Variants in PCDHA2 observed in about 807,000 individuals in gnomAD.
PCDHA2 encodes the protein protocadherin alpha 2, also known as protocadherin alpha-2.
In PCDHA2, 58 loss-of-function variants were observed where a neutral mutation model predicts 66.0. The ratio of observed to expected loss-of-function variants is 0.88; its 90% CI spans 0.71 to 1.09. PCDHA2 has a LOEUF of 1.09. PCDHA2 is among the 50% of genes least tolerant of loss of function. The probability of loss-of-function intolerance (pLI) is 0.00; values close to 1 mark genes in which losing one functional copy is unlikely to be tolerated. For synonymous variants in PCDHA2, 634 were observed against 554.0 expected (o/e 1.14, Z -2.03); for missense variants, 1,267 against 1,242.3 (o/e 1.02, Z -0.30).
At chr5:140,835,904 C>G in intron 1 of PCDHA2, 2 of 1,612,180 alleles carry the variant, frequency 1.2e-6, no homozygotes, top group Non-Finnish European at 1.7e-6. Flanking sequence ...TGTCGAGCTA[C>G]GTGTCAGTGC....
chr5:140,970,625 A>C (rs534910839), intron 1 of PCDHA2, among the ~76,000 whole-genome samples: 1 of 152,316 alleles, frequency 6.6e-6, no homozygotes, highest in Non-Finnish European at 1.5e-5. Context: ...CAAAAGCCAA[A>C]ATTTTGTACC....
Position 140,808,692 on chromosome 5 carries a change from G to T in PCDHA2, c.2388+11340G>T, listed in dbSNP as rs555898168. 1.9e-6 allele frequency: 3 copies of T among 1,612,102 alleles called. No homozygotes were observed. The African/African-American group carries it at 4.0e-5, about 22-fold the overall frequency. ...CTGGTAGAGCGGCGGGTAGGGGAGC[G>T]CGCGCTGTCGAGCTACGTTTCGGTG... On this transcript the variant is annotated intron_variant, in intron 1 of 3. Transcript: ENST00000526136.
chr5:140,900,927 G>A (rs2068371563), intron 1 of PCDHA2, among the ~76,000 whole-genome samples: 2 of 152,056 alleles, frequency 1.3e-5, no homozygotes, highest in South Asian at 4.1e-4. Context: ...ATATCTCATT[G>A]TAGTTTTGAT....
intron 1 of PCDHA2, among the ~76,000 whole-genome samples, chr5:140,925,189 C>T (rs1488098385): frequency 1.3e-5 from 2 of 152,116 alleles, no homozygotes; most frequent in Non-Finnish European, 1.5e-5. Context: ...TACCATCACC[C>T]AGCTTCAATA....
At chr5:140,829,924 G>A (rs141677964) in intron 1 of PCDHA2, 8 of 1,613,896 alleles carry the variant, frequency 5.0e-6, no homozygotes, top group Non-Finnish European at 6.8e-6. Flanking sequence ...CGTATGAGCT[G>A]CAGCCCCCGG....
rs781965106 is a variant in PCDHA2 at position 140,882,419 on chromosome 5, G to A, written c.2388+85067G>A. 8.7e-6 allele frequency: 14 copies of A among 1,613,992 alleles called. No homozygotes were observed. The African/African-American group carries it at 1.5e-4, about 17-fold the overall frequency. ...CACCTTCGTGGGCCGCATCGCTCAG[G>A]ACCTGGGGCTGGAGCTGGCGGAGCT... On this transcript the variant is annotated intron_variant, in intron 1 of 3. Transcript: ENST00000526136.
intron 1 of PCDHA2, among the ~76,000 whole-genome samples, chr5:140,826,082 A>G (rs1419827352): frequency 1.3e-5 from 2 of 152,204 alleles, no homozygotes; most frequent in Non-Finnish European, 2.9e-5. Context: ...ATTCAATTTT[A>G]TAAGTACCCT....
Position 140,856,993 on chromosome 5 carries a change from T to C in PCDHA2, c.2388+59641T>C, listed in dbSNP as rs201643490. Reference sequence around the variant, plus strand: ...TTGACTTTGAGGACAGTAACACTTATGAAATTCATGTAGATGTTACAGATA... The same window carrying C: ...TTGACTTTGAGGACAGTAACACTTACGAAATTCATGTAGATGTTACAGATA... On this transcript the variant is annotated intron_variant, in intron 1 of 3. Coordinates refer to ENST00000526136, the MANE Select transcript of PCDHA2 (RefSeq NM_018905.3). The C allele has an allele frequency of 7.3e-5, 117 of 1,595,326 alleles. 13 individuals are homozygous for C. The highest frequency in any genetic ancestry group is 9.6e-5 in the Non-Finnish European group (112 of 1,165,156).
intron 1 of PCDHA2, chr5:140,968,750 G>A: frequency 6.2e-7 from 1 of 1,614,144 alleles, no homozygotes; most frequent in Non-Finnish European, 8.5e-7. Context: ...GACCGTGGTG[G>A]TCCGAGATAA....
chr5:140,862,756 G>C (rs1027587772), intron 1 of PCDHA2: 46 of 577,592 alleles, frequency 8.0e-5, no homozygotes, highest in Non-Finnish European at 1.4e-4. Context: ...CGCGGAGAGC[G>C]GCAAGAGGTA....
intron 1 of PCDHA2, among the ~76,000 whole-genome samples, chr5:140,965,230 C>T (rs2095881666): frequency 6.6e-6 from 1 of 152,126 alleles, no homozygotes; most frequent in Non-Finnish European, 1.5e-5. Flanking sequence ...ATGTGAGAAC[C>T]TGGGAAGAGT....
At chr5:140,952,654 G>T (rs541888180) in intron 1 of PCDHA2, among the ~76,000 whole-genome samples, 4 of 152,270 alleles carry the variant, frequency 2.6e-5, no homozygotes, top group African/African-American at 9.6e-5. Context: ...TGGTTACCCA[G>T]TTCCAAAGTC....
intron 3 of PCDHA2, among the ~76,000 whole-genome samples, chr5:140,994,613 G>A (rs1452021453): frequency 2.0e-5 from 3 of 152,082 alleles, no homozygotes; most frequent in Admixed American, 6.5e-5. Flanking sequence ...GCTGAGGCAC[G>A]AGAGTCACTT....
In PCDHA2 at chr5:140,849,582, G is replaced by T. The variant is rs2150441329; in HGVS notation, c.2388+52230G>T. 1.0e-5 allele frequency: 16 copies of T among 1,598,576 alleles called. 1 individual carries two copies. Among genetic ancestry groups the T allele is most frequent in the African/African-American group, 1.3e-5 (1 of 74,328 alleles). On this transcript the variant is annotated intron_variant, in intron 1 of 3. Transcript: ENST00000526136. ...GCTCTCGGTTCCTGTAAAAGAGGAC[G>T]CACAACTGGGGACAGTTATTGCCCT...
intron 1 of PCDHA2, chr5:140,851,060 C>T (rs2041943229): frequency 1.5e-6 from 2 of 1,374,418 alleles, no homozygotes; most frequent in Admixed American, 2.8e-5. Flanking sequence ...GTCTTGACTT[C>T]TAGTGAGAAT....
At chr5:140,802,061 T>TA (rs1762841677) in intron 1 of PCDHA2, 1 of 1,614,088 alleles carries the variant, frequency 6.2e-7, no homozygotes, top group African/African-American at 1.3e-5. Context: ...TGTCAGCAGA[T>TA]ATTCTGTCAA....
At chr5:140,808,369 C>T in intron 1 of PCDHA2, 2 of 1,614,208 alleles carry the variant, frequency 1.2e-6, no homozygotes, top group South Asian at 1.1e-5. Flanking sequence ...CCCACGTCCC[C>T]TTCAAGCTGG....
At chr5:140,880,870 G>T (rs1413243877) in intron 1 of PCDHA2, among the ~76,000 whole-genome samples, 1 of 152,142 alleles carries the variant, frequency 6.6e-6, no homozygotes, top group East Asian at 1.9e-4. Context: ...ATGTGAAGAG[G>T]TAAATAAAGA....
chr5:140,891,885 C>T (rs546305739), intron 1 of PCDHA2, among the ~76,000 whole-genome samples: 22 of 152,288 alleles, frequency 1.4e-4, no homozygotes, highest in African/African-American at 2.2e-4. Context: ...TGTCATGTGA[C>T]GATGCAGCAA....
Sources: allele counts gnomAD v4.1 joint callset (sites outside exome capture counted in the v4.1 genomes callset), GRCh38; gene constraint gnomAD v4.1.1; transcripts MANE v1.5; gene names NCBI Gene and HGNC (gene_info 2026-07-23, HGNC 2026-07-21).